KCNN2: variants seen among roughly 807,000 people sequenced by gnomAD.
KCNN2 encodes small conductance calcium-activated potassium channel protein 2.
KCNN2 carries 24 observed loss-of-function variants against 55.5 expected under a neutral mutation model. The observed-to-expected ratio is 0.43, with a 90% CI of 0.31 to 0.61. KCNN2 has a LOEUF of 0.61. Among genes scored for constraint, KCNN2 ranks in the 20% least tolerant of loss-of-function variants. The pLI is 0.08. For missense variants in KCNN2, 754 were observed against 853.6 expected (o/e 0.88, Z 1.45); for synonymous variants, 431 against 336.1 (o/e 1.28, Z -3.09).
At chr5:114,093,720 A>G (rs890493593) in intron 1 of KCNN2, among the ~76,000 whole-genome samples, 3 of 152,218 alleles carry the variant, frequency 2.0e-5, no homozygotes, top group African/African-American at 4.8e-5. Context: ...AAACTCTTAT[A>G]TAACCATTGA....
intron 3 of KCNN2, among the ~76,000 whole-genome samples, chr5:114,418,738 A>G (rs1205144337): frequency 6.6e-6 from 1 of 152,186 alleles, no homozygotes; most frequent in Non-Finnish European, 1.5e-5. Flanking sequence ...CTGCCACTCA[A>G]CTTAGGTCCT....
At chr5:114,477,132 A>T (rs1366982497) in intron 5 of KCNN2, among the ~76,000 whole-genome samples, 1 of 109,622 alleles carries the variant, frequency 9.1e-6, no homozygotes, top group East Asian at 2.7e-4. Flanking sequence ...ATTCCCTGAA[A>T]CATTATCTAG....
At chr5:114,165,818 C>T (rs1752897848) in intron 1 of KCNN2, among the ~76,000 whole-genome samples, 1 of 152,068 alleles carries the variant, frequency 6.6e-6, no homozygotes, top group Non-Finnish European at 1.5e-5. Context: ...TTCTAGTCAA[C>T]AGTAGGCGAT....
At chr5:114,092,911 G>A (rs1751174580) in intron 1 of KCNN2, among the ~76,000 whole-genome samples, 1 of 152,180 alleles carries the variant, frequency 6.6e-6, no homozygotes, top group Non-Finnish European at 1.5e-5. Flanking sequence ...CTTGTGATTG[G>A]AAGGGCTGCC....
At chr5:114,489,757 G>A (rs1385244590) in intron 6 of KCNN2, among the ~76,000 whole-genome samples, 1 of 152,134 alleles carries the variant, frequency 6.6e-6, no homozygotes, top group Non-Finnish European at 1.5e-5. Flanking sequence ...AAGCACACAG[G>A]GCTCGATTCC....
At chr5:114,212,010 G>A (rs1753896910) in intron 1 of KCNN2, among the ~76,000 whole-genome samples, 1 of 150,960 alleles carries the variant, frequency 6.6e-6, no homozygotes. Flanking sequence ...TTTATTATAT[G>A]AGCATGTACT....
At chr5:114,380,458 A>T (rs1398359744) in intron 2 of KCNN2, among the ~76,000 whole-genome samples, 28 of 152,152 alleles carry the variant, frequency 1.8e-4, no homozygotes, top group Admixed American at 1.8e-3. Flanking sequence ...AGAGAAAGGG[A>T]TCGTGATTCA....
chr5:114,288,737 A>C (rs1305529506), intron 2 of KCNN2, among the ~76,000 whole-genome samples: 6 of 152,124 alleles, frequency 3.9e-5, no homozygotes, highest in African/African-American at 1.2e-4. Context: ...ATTGAGTTGT[A>C]AGTATCTTTA....
At chr5:114,322,991 T>C (rs1756640454) in intron 2 of KCNN2, among the ~76,000 whole-genome samples, 1 of 152,200 alleles carries the variant, frequency 6.6e-6, no homozygotes, top group Non-Finnish European at 1.5e-5. Context: ...CCAGTGTCTT[T>C]TGTTTCCTTC....
chr5:114,351,941 T>A (rs559739215), intron 2 of KCNN2, among the ~76,000 whole-genome samples: 3 of 151,814 alleles, frequency 2.0e-5, no homozygotes, highest in African/African-American at 7.2e-5. Flanking sequence ...AATACTGGCC[T>A]TTTAAAATGG....
chr5:114,182,659 T>G (rs1320048475), intron 1 of KCNN2, among the ~76,000 whole-genome samples: 1 of 152,128 alleles, frequency 6.6e-6, no homozygotes, highest in Admixed American at 6.5e-5. Flanking sequence ...TTTTTCTAAT[T>G]TCATATTCCA....
chr5:114,253,751 T>C (rs1754927203), intron 2 of KCNN2: 1 of 152,238 alleles, frequency 6.6e-6, no homozygotes, highest in South Asian at 2.1e-4. Context: ...ATTTACATTA[T>C]TGTCTCTTCT....
At chr5:114,370,840 A>G (rs1020582575) in intron 2 of KCNN2, among the ~76,000 whole-genome samples, 1 of 152,132 alleles carries the variant, frequency 6.6e-6, no homozygotes, top group Non-Finnish European at 1.5e-5. Flanking sequence ...TCCCACATGC[A>G]GTGGGAAAGT....
At chr5:114,259,008 C>T (rs1463986629) in intron 2 of KCNN2, among the ~76,000 whole-genome samples, 5 of 152,178 alleles carry the variant, frequency 3.3e-5, no homozygotes, top group Admixed American at 1.3e-4. Context: ...GTGCCAATTT[C>T]CTGTGGTAGC....
chr5:114,235,268 A>T (rs886566702), intron 2 of KCNN2, among the ~76,000 whole-genome samples: 3 of 152,302 alleles, frequency 2.0e-5, no homozygotes, highest in South Asian at 2.1e-4. Flanking sequence ...TTGCTTCATT[A>T]TTGCATCCAT....
chr5:114,082,635 G>A (rs1233650297), intron 1 of KCNN2, among the ~76,000 whole-genome samples: 2 of 152,174 alleles, frequency 1.3e-5, no homozygotes, highest in African/African-American at 4.8e-5. Flanking sequence ...GTTTATAACA[G>A]CATTATTCAC....
chr5:114,157,846 TG>T (rs200238229), intron 1 of KCNN2, among the ~76,000 whole-genome samples: 17,598 of 150,736 alleles, frequency 0.12, 1,235 homozygotes, highest in South Asian at 0.25. Context: ...CACTTTTTGA[TG>T]GGGTTTTTTT....
At chr5:114,182,039 T>A (rs777935953) in intron 1 of KCNN2, among the ~76,000 whole-genome samples, 5 of 152,194 alleles carry the variant, frequency 3.3e-5, no homozygotes, top group Admixed American at 6.5e-5. Context: ...TTTTTGTGTA[T>A]GTAAGGTGTG....
rs151217532 is a variant in KCNN2, at chr5:114,224,322, A to G, written c.-185+2757A>G. Reference sequence around the variant, plus strand: ...ATATGTTCAATACTTTTGGTTTTCCATATTTTAGATAAAAGTAACCATTTT... The same window carrying G: ...ATATGTTCAATACTTTTGGTTTTCCGTATTTTAGATAAAAGTAACCATTTT... On this transcript the variant is annotated intron_variant, in intron 2 of 10. Transcript: ENST00000512097. 5.3e-3 allele frequency among the ~76,000 whole-genome samples: 808 copies of G among 152,318 alleles called. 11 individuals are homozygous for G. The highest frequency in any genetic ancestry group is 0.018 in the African/African-American group (753 of 41,560).
Sources: gnomAD v4.1 joint callset for allele counts (sites outside exome capture counted in the v4.1 genomes callset) on GRCh38, gnomAD v4.1.1 for gene constraint, MANE v1.5 for transcripts, NCBI Gene and HGNC (gene_info 2026-07-23, HGNC 2026-07-21) for gene names.